Variants in GSAP observed in about 807,000 individuals in gnomAD.
GSAP encodes the protein gamma-secretase-activating protein.
Under a neutral mutation model 131.7 loss-of-function variants are expected in GSAP, and 118 were observed. The observed-to-expected ratio is 0.90, with a 90% CI of 0.77 to 1.04. The LOEUF (loss-of-function observed/expected upper bound fraction) is 1.04, where lower values mean the gene tolerates loss of function less well. GSAP is among the 50% of genes least tolerant of loss of function. The pLI is 0.00. For missense variants in GSAP, 1,019 were observed against 1,013.2 expected (o/e 1.01, Z -0.08); for synonymous variants, 381 against 363.4 (o/e 1.05, Z -0.55).
At position 77,326,272 on chromosome 7, in the gene GSAP, C is replaced by A; in HGVS notation, c.1767G>T (p.Gly589=). 1 of 1,610,894 alleles carries A rather than the reference C, an allele frequency of 6.2e-7. No homozygotes were observed. Among genetic ancestry groups the A allele is most frequent in the Non-Finnish European group, 8.5e-7 (1 of 1,177,712 alleles). The change falls in exon 23 of 31, where the codon GGG becomes GGT. Residue 589 remains glycine (G), a splice_region_variant and synonymous_variant. Coordinates refer to ENST00000257626, the MANE Select transcript of GSAP (RefSeq NM_017439.4). The part of the protein sequence containing the change: ...VISNLEARNL[G]PRLTPLLQEE... ...CCTGCAGGAGGGGTGTTAATCTTGG[C>A]CCTGAAATGAAACAGAGCAATAGTT...
Position 77,349,421 on chromosome 7 carries a change from C to T in GSAP, c.1492-17G>A, listed in dbSNP as rs1429552057. 6.7e-7 allele frequency: 1 copy of T among 1,501,900 alleles called. No homozygotes were observed. Among genetic ancestry groups the T allele is most frequent in the Non-Finnish European group, 9.1e-7 (1 of 1,093,738 alleles). 93.0% of individuals were successfully genotyped at this position (1,501,900 alleles called of 1,614,324 possible). On this transcript the variant is annotated splice_polypyrimidine_tract_variant and intron_variant, in intron 18 of 30. Coordinates refer to ENST00000257626, the MANE Select transcript of GSAP (RefSeq NM_017439.4). ...AGGAATTTCCTATAGTGGGGAAAAA[C>T]ACACACACACAGCTGCTCAGTGTAT...
intron 3 of GSAP, among the ~76,000 whole-genome samples, chr7:77,401,549 C>T (rs974069210): frequency 1.3e-5 from 2 of 151,832 alleles, no homozygotes; most frequent in African/African-American, 4.8e-5. Flanking sequence ...ATGAAGAAAA[C>T]TATGAAAATT....
At chr7:77,350,572 T>TAAAAAAAA in intron 18 of GSAP, among the ~76,000 whole-genome samples, 1 of 121,248 alleles carries the variant, frequency 8.2e-6, no homozygotes, top group Non-Finnish European at 1.7e-5. Flanking sequence ...CCCGCTCTAC[T>TAAAAAAAA]AAAAAAAAAA....
chr7:77,353,351 A>G (rs542133432), intron 17 of GSAP, among the ~76,000 whole-genome samples: 2 of 152,278 alleles, frequency 1.3e-5, no homozygotes, highest in East Asian at 1.9e-4. Flanking sequence ...TCAAGATCCT[A>G]TCTTGTATCT....
intron 1 of GSAP, among the ~76,000 whole-genome samples, chr7:77,411,866 C>T (rs1489300507): frequency 6.6e-6 from 1 of 152,130 alleles, no homozygotes; most frequent in Non-Finnish European, 1.5e-5. Context: ...TCAATACCTA[C>T]CATAAAGCAT....
At chr7:77,374,211 TAA>T (rs1341325459) in intron 11 of GSAP, 56 bp from the exon 12 acceptor site, 2 of 869,196 alleles carry the variant, frequency 2.3e-6, no homozygotes, top group Non-Finnish European at 3.8e-6. Context: ...CATCCCTTCA[TAA>T]AGGATGTGAG....
intron 3 of GSAP, among the ~76,000 whole-genome samples, chr7:77,400,102 C>G (rs963264407): frequency 1.6e-4 from 25 of 152,302 alleles, no homozygotes; most frequent in South Asian, 2.1e-4. Flanking sequence ...CCATCTCTAC[C>G]AGCAAAGGCT....
At chr7:77,415,854 G>A (rs537835816) in intron 1 of GSAP, 3 of 220,730 alleles carry the variant, frequency 1.4e-5, no homozygotes, top group Admixed American at 5.9e-5. Context: ...TGAACCCCCC[G>A]GGAGGTGGGA....
chr7:77,318,329 G>C (rs988632940), intron 26 of GSAP, among the ~76,000 whole-genome samples: 1 of 150,896 alleles, frequency 6.6e-6, no homozygotes, highest in African/African-American at 2.4e-5. Flanking sequence ...TCCAACTTAA[G>C]TTTCTACCAG....
chr7:77,337,161 T>C (rs1019472887), intron 19 of GSAP, among the ~76,000 whole-genome samples: 1 of 152,048 alleles, frequency 6.6e-6, no homozygotes, highest in African/African-American at 2.4e-5. Flanking sequence ...AAACTTTGTG[T>C]TTTGTTTGTG....
At chr7:77,360,141 A>G (rs1422625273) in intron 14 of GSAP, among the ~76,000 whole-genome samples, 1 of 152,242 alleles carries the variant, frequency 6.6e-6, no homozygotes, top group African/African-American at 2.4e-5. Context: ...AAAGAATTAC[A>G]TGCTCTAAAC....
rs553526691 is a variant in GSAP, at chr7:77,409,890, C to G, written c.110-3785G>C. On this transcript the variant is annotated intron_variant, in intron 1 of 30. Transcript: ENST00000257626. ...AATGACACATTTTTATCCCATTAAA[C>G]TAGTGGTTCTCAACTCTGGCTGTCT... Among the ~76,000 whole-genome samples the G allele has an allele frequency of 2.2e-4, 34 of 152,250 alleles. No homozygotes were observed. In the South Asian group the frequency reaches 7.1e-3, roughly 32 times the overall value.
At chr7:77,405,167 C>T (rs1395713824) in intron 2 of GSAP, among the ~76,000 whole-genome samples, 1 of 152,200 alleles carries the variant, frequency 6.6e-6, no homozygotes, top group Admixed American at 6.5e-5. Flanking sequence ...CTTCACATGC[C>T]TATAGTCCTA....
rs1337381509 is a variant in GSAP, at chr7:77,371,438, T to C, written c.871+2632A>G. 9.5e-4 allele frequency among the ~76,000 whole-genome samples: 136 copies of C among 143,330 alleles called. 2 individuals are homozygous for C. Among genetic ancestry groups the C allele is most frequent in the Admixed American group, 2.6e-3 (39 of 14,848 alleles). 94.0% of individuals were successfully genotyped at this position (143,330 alleles called of 152,430 possible). On this transcript the variant is annotated intron_variant, in intron 12 of 30. Transcript: ENST00000257626. ...CCGTCCTCCATCTTTTTTCTTTTTT[T>C]TTTTTTTTTTTTTTAAGACAGAGTC...
intron 5 of GSAP, among the ~76,000 whole-genome samples, chr7:77,391,387 C>G (rs888714046): frequency 6.6e-5 from 10 of 152,084 alleles, no homozygotes; most frequent in Non-Finnish European, 1.0e-4. Flanking sequence ...CAATAACATA[C>G]CATGTGCTTT....
Position 77,311,328 on chromosome 7 carries a change from G to A in GSAP, c.*30C>T. ...AAGGTTAATGAGCAAGATTAAAATG[G>A]CAGCAGCAGATCCAATTGCGTTTTC... is the stretch of plus-strand genomic sequence containing the variant. On this transcript the variant is annotated 3_prime_UTR_variant, in exon 31 of 31. Coordinates refer to ENST00000257626, the MANE Select transcript of GSAP (RefSeq NM_017439.4). 8.1e-7 allele frequency: 1 copy of A among 1,236,102 alleles called. No individual in the cohort carries two copies. The highest frequency in any genetic ancestry group is 1.2e-5 in the South Asian group (1 of 83,292). The allele number at this position is 1,236,102 out of a possible 1,614,324, so 76.6% of individuals were successfully genotyped here.
intron 27 of GSAP, 128 bp downstream of exon 27, chr7:77,314,242 A>C (rs1294012656): frequency 1.1e-6 from 1 of 880,772 alleles, no homozygotes; most frequent in Non-Finnish European, 1.8e-6. Context: ...ATGCAGCATT[A>C]AACTGAGCAG....
At chr7:77,400,279 TC>T (rs1801105363) in intron 3 of GSAP, among the ~76,000 whole-genome samples, 1 of 151,976 alleles carries the variant, frequency 6.6e-6, no homozygotes, top group Non-Finnish European at 1.5e-5. Context: ...TCCACGTGGA[TC>T]CTGGACTCCC....
intron 1 of GSAP, among the ~76,000 whole-genome samples, chr7:77,414,977 C>A (rs1804064756): frequency 1.3e-5 from 2 of 151,104 alleles, no homozygotes; most frequent in South Asian, 4.2e-4. Context: ...CCTGCCTCAG[C>A]CTCCCGAGTA....
Sources: gnomAD v4.1 joint callset for allele counts (sites outside exome capture counted in the v4.1 genomes callset) on GRCh38, gnomAD v4.1.1 for gene constraint, MANE v1.5 for transcripts, NCBI Gene and HGNC (gene_info 2026-07-23, HGNC 2026-07-21) for gene names.